The following IL1RAPL2 variants were observed in gnomAD, a reference collection of about 807,000 sequenced individuals.
IL1RAPL2 encodes interleukin 1 receptor accessory protein like 2, also known as X-linked interleukin-1 receptor accessory protein-like 2.
A neutral mutation model predicts 44.1 loss-of-function variants in IL1RAPL2; 3 were observed. The ratio of observed to expected loss-of-function variants is 0.07; its 90% CI spans 0.03 to 0.18. The LOEUF (loss-of-function observed/expected upper bound fraction) is 0.18. IL1RAPL2 is among the 10% of genes least tolerant of loss of function. The pLI, the probability that IL1RAPL2 is intolerant of heterozygous loss-of-function variation, is 1.00. For synonymous variants in IL1RAPL2, 181 were observed against 178.8 expected (o/e 1.01, Z -0.10); for missense variants, 391 against 496.4 (o/e 0.79, Z 2.02).
intron 2 of IL1RAPL2, among the ~76,000 whole-genome samples, chrX:104,659,626 A>G (rs770659621): frequency 8.9e-6 from 1 of 112,233 alleles, no homozygotes; most frequent in African/African-American, 3.2e-5. Flanking sequence ...TATGTCTTTC[A>G]GTTTTGATTA....
chrX:104,688,107 GTTC>G (rs1439415470), intron 2 of IL1RAPL2, among the ~76,000 whole-genome samples: 5 of 111,695 alleles, frequency 4.5e-5, no homozygotes, highest in African/African-American at 1.3e-4. Context: ...CAAACTGTCA[GTTC>G]TTCTAGTGTT....
chrX:105,151,391 A>T (rs751838822), intron 2 of IL1RAPL2, among the ~76,000 whole-genome samples: 24 of 111,206 alleles, frequency 2.2e-4, no homozygotes, highest in Admixed American at 7.7e-4. Context: ...GCTGATTAAG[A>T]TTTTATTCTA....
chrX:105,432,978 T>C (rs5962519), intron 5 of IL1RAPL2, among the ~76,000 whole-genome samples: 2,755 of 111,543 alleles, frequency 0.025, 89 homozygotes, highest in African/African-American at 0.086. Flanking sequence ...AGACCATGTC[T>C]GAGCATGAAT....
chrX:105,038,041 C>T (rs755546084), intron 2 of IL1RAPL2, among the ~76,000 whole-genome samples: 7 of 111,455 alleles, frequency 6.3e-5, no homozygotes, highest in South Asian at 3.8e-4. Flanking sequence ...GACCGTGAGA[C>T]AGAGAAAGTA....
At chrX:104,794,135 C>T (rs1316517304) in intron 2 of IL1RAPL2, among the ~76,000 whole-genome samples, 1 of 112,031 alleles carries the variant, frequency 8.9e-6, no homozygotes, top group Non-Finnish European at 1.9e-5. Flanking sequence ...CTGCCCACTT[C>T]TCATGTAGCA....
chrX:104,971,083 G>A (rs2030225344), intron 2 of IL1RAPL2, among the ~76,000 whole-genome samples: 1 of 112,044 alleles, frequency 8.9e-6, no homozygotes, highest in Non-Finnish European at 1.9e-5. Flanking sequence ...CATGGTGGGT[G>A]ACACCTGTAA....
intron 6 of IL1RAPL2, among the ~76,000 whole-genome samples, chrX:105,699,616 C>T (rs907650072): frequency 1.8e-5 from 2 of 111,927 alleles, no homozygotes; most frequent in African/African-American, 6.5e-5. Context: ...TCATCTTCCA[C>T]ATTCCTCTGT....
At chrX:104,913,901 T>C (rs1321104678) in intron 2 of IL1RAPL2, among the ~76,000 whole-genome samples, 3 of 112,226 alleles carry the variant, frequency 2.7e-5, no homozygotes. Flanking sequence ...AAAATAGGTT[T>C]TGGTTGCTGG....
Position 105,062,328 on chromosome X carries a change from C to T in IL1RAPL2, c.83-133147C>T, listed in dbSNP as rs187508625. ...ACAGAAAAGTTCTATAAACTCTACACCTTTTTTGTCCTTGCTTTTTAACTT... is the reference window on the plus strand; with the variant it reads ...ACAGAAAAGTTCTATAAACTCTACATCTTTTTTGTCCTTGCTTTTTAACTT... On this transcript the variant is annotated intron_variant, in intron 2 of 10. Transcript: ENST00000372582. Among the ~76,000 whole-genome samples, 931 of 111,906 alleles carry T rather than the reference C, an allele frequency of 8.3e-3. 2 individuals are homozygous for T. The highest frequency in any genetic ancestry group is 0.019 in the Middle Eastern group (4 of 215).
intron 2 of IL1RAPL2, among the ~76,000 whole-genome samples, chrX:104,974,184 T>C (rs1229377037): frequency 8.9e-6 from 1 of 111,820 alleles, no homozygotes; most frequent in East Asian, 2.8e-4. Context: ...TCCATTCACA[T>C]GTGTTTAACA....
rs1169086167 is a variant in IL1RAPL2 at position 104,903,045 on chromosome X, T to C, written c.82+244050T>C. On this transcript the variant is annotated intron_variant, in intron 2 of 10. Coordinates refer to ENST00000372582, the MANE Select transcript of IL1RAPL2 (RefSeq NM_017416.2). ...AATTAAATACTGTTCAGCAAGCTTA[T>C]TGTCCTATTAGAACTGTAGCTTTTT... Among the ~76,000 whole-genome samples the C allele has an allele frequency of 3.6e-5, 4 of 111,660 alleles. 1 individual carries two copies. Among genetic ancestry groups the C allele is most frequent in the African/African-American group, 1.3e-4 (4 of 30,769 alleles).
At chrX:105,267,801 A>G in intron 5 of IL1RAPL2, among the ~76,000 whole-genome samples, 1 of 111,942 alleles carries the variant, frequency 8.9e-6, no homozygotes, top group Non-Finnish European at 1.9e-5. Context: ...TCTTCAAGGT[A>G]TCATTATTAC....
At chrX:105,216,864 A>G (rs1172223030) in intron 3 of IL1RAPL2, among the ~76,000 whole-genome samples, 12 of 112,295 alleles carry the variant, frequency 1.1e-4, no homozygotes, top group African/African-American at 2.9e-4. Flanking sequence ...AGAATTCCCT[A>G]TTTAATAAAT....
chrX:105,601,982 C>G (rs1265451920), intron 6 of IL1RAPL2, among the ~76,000 whole-genome samples: 1 of 111,199 alleles, frequency 9.0e-6, no homozygotes, highest in East Asian at 2.9e-4. Flanking sequence ...TGTGTGCACT[C>G]CCTAGAAGCT....
chrX:105,325,564 T>TATATATATATATATATATATAC (rs2034931278), intron 5 of IL1RAPL2, among the ~76,000 whole-genome samples: 1 of 98,759 alleles, frequency 1.0e-5, no homozygotes, highest in African/African-American at 3.9e-5. Context: ...TATATATATA[T>TATATATATATATATATATATAC]ATATATATAT....
chrX:104,691,618 G>A (rs896468977), intron 2 of IL1RAPL2, among the ~76,000 whole-genome samples: 9 of 111,872 alleles, frequency 8.0e-5, no homozygotes, highest in African/African-American at 2.6e-4. Flanking sequence ...CATGCATTTT[G>A]TTTAGCTTTA....
chrX:105,656,565 G>A (rs1377055757), intron 6 of IL1RAPL2, among the ~76,000 whole-genome samples: 1 of 111,774 alleles, frequency 8.9e-6, no homozygotes, highest in Non-Finnish European at 1.9e-5. Context: ...GTATTGTCCA[G>A]TAGTTGTATC....
rs747821915 is a variant in IL1RAPL2 at position 105,525,263 on chromosome X, A to C, written c.772+40876A>C. On this transcript the variant is annotated intron_variant, in intron 6 of 10. Coordinates refer to ENST00000372582, the MANE Select transcript of IL1RAPL2 (RefSeq NM_017416.2). Reference sequence around the variant, plus strand: ...AACTAGTTTAGTTTCAGCTGCTATGAAGGATCAAAGGTAAAAATAGTTCAT... The same window carrying C: ...AACTAGTTTAGTTTCAGCTGCTATGCAGGATCAAAGGTAAAAATAGTTCAT... 2.7e-5 allele frequency among the ~76,000 whole-genome samples: 3 copies of C among 111,668 alleles called. No individual in the cohort carries two copies. In the South Asian group the frequency reaches 1.1e-3, roughly 41 times the overall value.
chrX:104,603,803 A>G (rs2385583), intron 1 of IL1RAPL2, among the ~76,000 whole-genome samples: 3,168 of 112,189 alleles, frequency 0.028, 131 homozygotes, highest in African/African-American at 0.097. Flanking sequence ...ATATGGGACT[A>G]TGTGAAAAGA....
Sources: allele counts gnomAD v4.1 joint callset (sites outside exome capture counted in the v4.1 genomes callset), GRCh38; gene constraint gnomAD v4.1.1; transcripts MANE v1.5; gene names NCBI Gene and HGNC (gene_info 2026-07-23, HGNC 2026-07-21).